Variants in UEVLD observed in about 807,000 individuals in gnomAD.
UEVLD encodes ubiquitin-conjugating enzyme E2 variant 3.
In UEVLD, 47 loss-of-function variants were observed where a neutral mutation model predicts 58.6. The observed-to-expected ratio is 0.80, with a 90% CI of 0.63 to 1.02. The LOEUF is 1.02. UEVLD is among the 50% of genes least tolerant of loss of function. The pLI is 0.00. For missense variants in UEVLD, 510 were observed against 550.6 expected (o/e 0.93, Z 0.74); for synonymous variants, 197 against 195.3 (o/e 1.01, Z -0.07).
At chr11:18,551,699 C>T (rs1357117839) in intron 7 of UEVLD, among the ~76,000 whole-genome samples, 1 of 152,150 alleles carries the variant, frequency 6.6e-6, no homozygotes, top group Non-Finnish European at 1.5e-5. Context: ...ACTCAGTCAG[C>T]ATCTGTGTTA....
rs186591278 is a variant in UEVLD at position 18,583,015 on chromosome 11, C to T, written c.43-4207G>A. Among the ~76,000 whole-genome samples the T allele has an allele frequency of 5.4e-3, 824 of 152,058 alleles. 4 individuals carry two copies. Among genetic ancestry groups the T allele is most frequent in the Non-Finnish European group, 9.4e-3 (637 of 67,982 alleles). ...TCAGCTCACTGTAACCTCCATTTCC[C>T]GGGTTCAAGCAATTCTCCTGCCTCA... is the stretch of plus-strand genomic sequence containing the variant. On this transcript the variant is annotated intron_variant, in intron 1 of 11. Transcript: ENST00000396197.
At chr11:18,569,744 T>G (rs1452663193) in intron 4 of UEVLD, among the ~76,000 whole-genome samples, 1 of 152,166 alleles carries the variant, frequency 6.6e-6, no homozygotes, top group Non-Finnish European at 1.5e-5. Flanking sequence ...AATACTACAG[T>G]TATATAGATC....
chr11:18,575,120 C>T (rs913818579), intron 3 of UEVLD, among the ~76,000 whole-genome samples: 4 of 152,054 alleles, frequency 2.6e-5, no homozygotes, highest in South Asian at 2.1e-4. Context: ...ATCGAAGTTA[C>T]GCTGTTCTAT....
chr11:18,588,671 A>T lies in UEVLD; in HGVS notation c.-17T>A. On this transcript the variant is annotated 5_prime_UTR_variant, in exon 1 of 12. Transcript: ENST00000396197. ...GAACTCCATCTCCAGGCCGGTCCCG[A>T]GCTAGGTCCCAGGACTCCAGCCCCC... 2 of 1,607,604 alleles carry T rather than the reference A, an allele frequency of 1.2e-6. No homozygotes were observed. The highest frequency in any genetic ancestry group is 1.7e-6 in the Non-Finnish European group (2 of 1,179,642).
At chr11:18,545,292 C>T (rs1324706013) in intron 8 of UEVLD, among the ~76,000 whole-genome samples, 3 of 151,732 alleles carry the variant, frequency 2.0e-5, no homozygotes, top group East Asian at 1.9e-4. Flanking sequence ...AGGATGGTCT[C>T]GATCTCTTGA....
chr11:18,531,186 C>T lies in UEVLD; in HGVS notation c.*1134G>A, dbSNP rs776213101. 8 of 152,140 alleles carry T rather than the reference C, an allele frequency of 5.3e-5. No individual in the cohort carries two copies. The highest frequency in any genetic ancestry group is 8.8e-5 in the Non-Finnish European group (6 of 68,024). The allele number at this position is 152,140 out of a possible 1,614,324, so 9.4% of individuals were successfully genotyped here. A position where few individuals can be genotyped will look rare whatever the true frequency, so the allele number is the denominator to read the frequency against. ...AAAGTAGAGGTTGTATGGATAAGTG[C>T]CCCTTAATAGCCAAGACTTCTTGAG... On this transcript the variant is annotated 3_prime_UTR_variant, in exon 12 of 12. Transcript: ENST00000396197.
chr11:18,536,321 G>C, intron 10 of UEVLD, 85 bp downstream of exon 10: 2 of 1,290,026 alleles, frequency 1.6e-6, no homozygotes. Flanking sequence ...CAGAAGCCTG[G>C]TTAAGTACAT....
chr11:18,567,755 T>C (rs1428997097), intron 4 of UEVLD, among the ~76,000 whole-genome samples: 2 of 152,210 alleles, frequency 1.3e-5, no homozygotes, highest in East Asian at 3.8e-4. Flanking sequence ...TTCTATAAAA[T>C]TATGCTACAT....
intron 7 of UEVLD, among the ~76,000 whole-genome samples, chr11:18,551,703 T>C (rs1400106307): frequency 1.3e-5 from 2 of 152,162 alleles, no homozygotes; most frequent in African/African-American, 4.8e-5. Flanking sequence ...AGTCAGCATC[T>C]GTGTTACCAG....
At chr11:18,571,822 T>C (rs1261865907) in intron 3 of UEVLD, among the ~76,000 whole-genome samples, 1 of 152,084 alleles carries the variant, frequency 6.6e-6, no homozygotes, top group East Asian at 1.9e-4. Flanking sequence ...TCTGTAGTCC[T>C]AGCCACTCAG....
intron 7 of UEVLD, among the ~76,000 whole-genome samples, chr11:18,552,042 TACTCTATCAGTCTGAATATACTGAAGAC>T (rs1411840486): frequency 6.6e-6 from 1 of 152,244 alleles, no homozygotes; most frequent in Non-Finnish European, 1.5e-5. Flanking sequence ...ATATTCTAGC[TACTCTATCAGTCTGAATATACTGAAGAC>T]ACTACACATA....
intron 8 of UEVLD, among the ~76,000 whole-genome samples, chr11:18,545,873 CATCT>C (rs60191982): frequency 0.041 from 6,227 of 152,264 alleles, 271 homozygotes; most frequent in East Asian, 0.19. Flanking sequence ...TTTTCTTTTA[CATCT>C]ATCTATCTTA....
At chr11:18,547,859 T>C (rs1223784856) in intron 7 of UEVLD, among the ~76,000 whole-genome samples, 4 of 152,154 alleles carry the variant, frequency 2.6e-5, no homozygotes, top group Non-Finnish European at 4.4e-5. Context: ...TTTAAAAATC[T>C]GTTTTACTTA....
chr11:18,534,966 T>G (rs1376087632), intron 10 of UEVLD, among the ~76,000 whole-genome samples: 4 of 152,168 alleles, frequency 2.6e-5, no homozygotes, highest in Non-Finnish European at 5.9e-5. Context: ...AAACAACTCA[T>G]CAAAAGAGGA....
intron 4 of UEVLD, 117 bp downstream of exon 4, chr11:18,570,097 C>T (rs190252115): frequency 1.8e-6 from 2 of 1,123,898 alleles, no homozygotes; most frequent in East Asian, 2.8e-5. Context: ...CCAAAGACTA[C>T]ATGAAGAATA....
At chr11:18,555,412 C>A (rs114966259) in intron 7 of UEVLD, among the ~76,000 whole-genome samples, 1 of 149,022 alleles carries the variant, frequency 6.7e-6, no homozygotes, top group Non-Finnish European at 1.5e-5. Flanking sequence ...GGTGAAAGTG[C>A]GAGACTGTCT....
In UEVLD at chr11:18,565,266, A is replaced by G. The variant is rs112093227; in HGVS notation, c.494-256T>C. On this transcript the variant is annotated intron_variant, in intron 5 of 11. Transcript: ENST00000396197. ...TTTTTAAAATATTGTATAAGACTCT[A>G]AAAAAGTAGGATTTCCATAATTCTG... 7.4e-3 allele frequency among the ~76,000 whole-genome samples: 1,124 copies of G among 152,318 alleles called. 13 individuals are homozygous for G. Among genetic ancestry groups the G allele is most frequent in the African/African-American group, 0.026 (1,071 of 41,572 alleles).
At chr11:18,580,035 C>CTTTTTT (rs140542993) in intron 1 of UEVLD, among the ~76,000 whole-genome samples, 7 of 85,412 alleles carry the variant, frequency 8.2e-5, no homozygotes, top group Non-Finnish European at 1.3e-4. Flanking sequence ...TCCCAGCTGG[C>CTTTTTT]TTTTTTTTTT....
chr11:18,566,486 T>C lies in UEVLD; in HGVS notation c.358-4A>G, dbSNP rs372003238. 46 of 1,611,354 alleles carry C rather than the reference T, an allele frequency of 2.9e-5. No individual in the cohort carries two copies. In the African/African-American group the frequency reaches 5.0e-4, roughly 17 times the overall value. The stretch of plus-strand genomic sequence containing the variant: ...ATCCAACAATGACAGATTTAGGCTG[T>C]AGAATACACAAAAAACAGAAAAGTT... On this transcript the variant is annotated splice_polypyrimidine_tract_variant and splice_region_variant and intron_variant, in intron 4 of 11. Transcript: ENST00000396197.
Sources: gnomAD v4.1 joint callset for allele counts (sites outside exome capture counted in the v4.1 genomes callset) on GRCh38, gnomAD v4.1.1 for gene constraint, MANE v1.5 for transcripts, NCBI Gene and HGNC (gene_info 2026-07-23, HGNC 2026-07-21) for gene names.